Variants in ADAMTS14 observed in about 807,000 individuals in gnomAD.
ADAMTS14 encodes the protein A disintegrin and metalloproteinase with thrombospondin motifs 14.
Under a neutral mutation model 128.6 loss-of-function variants are expected in ADAMTS14, and 100 were observed. The ratio of observed to expected loss-of-function variants is 0.78; its 90% CI spans 0.66 to 0.92. The LOEUF (loss-of-function observed/expected upper bound fraction) is 0.92. ADAMTS14 is among the 40% of genes least tolerant of loss of function. ADAMTS14 has a pLI of 0.00. For synonymous variants in ADAMTS14, 665 were observed against 653.8 expected (o/e 1.02, Z -0.26); for missense variants, 1,562 against 1,658.6 (o/e 0.94, Z 1.01).
At chr10:70,743,253 C>T (rs921312571) in intron 12 of ADAMTS14, among the ~76,000 whole-genome samples, 1 of 152,204 alleles carries the variant, frequency 6.6e-6, no homozygotes, top group East Asian at 1.9e-4. Context: ...ATTCACTAAG[C>T]ATTGGCTTAT....
chr10:70,741,196 C>T (rs1279422216), intron 12 of ADAMTS14, 34 bp downstream of exon 12: 4 of 1,603,382 alleles, frequency 2.5e-6, no homozygotes, highest in Non-Finnish European at 3.4e-6. Flanking sequence ...CACTCCATGT[C>T]CTTAGGCATC....
chr10:70,756,440 T>C (rs1385626114), intron 19 of ADAMTS14, among the ~76,000 whole-genome samples: 1 of 152,222 alleles, frequency 6.6e-6, no homozygotes, highest in Non-Finnish European at 1.5e-5. Flanking sequence ...AGATGGCAGA[T>C]AGTGGAAGAT....
chr10:70,703,697 A>C (rs2132598435), intron 3 of ADAMTS14, among the ~76,000 whole-genome samples: 1 of 152,342 alleles, frequency 6.6e-6, no homozygotes, highest in Non-Finnish European at 1.5e-5. Flanking sequence ...ACGTTGGGGA[A>C]GTCCAGCTCC....
rs138962598 is a variant in ADAMTS14 at position 70,720,923 on chromosome 10, T to C, written c.871-8371T>C. On this transcript the variant is annotated intron_variant, in intron 4 of 21. Coordinates refer to ENST00000373207, the MANE Select transcript of ADAMTS14 (RefSeq NM_080722.4). ...GATGGTCAGATACCCCATTATTTTATGTCCTTAAGAACGAAAAAGTGTTAC... is the reference window on the plus strand; with the variant it reads ...GATGGTCAGATACCCCATTATTTTACGTCCTTAAGAACGAAAAAGTGTTAC... Among the ~76,000 whole-genome samples the C allele has an allele frequency of 2.2e-3, 333 of 152,284 alleles. 3 individuals carry two copies. The highest frequency in any genetic ancestry group is 7.7e-3 in the African/African-American group (319 of 41,554).
chr10:70,739,596 G>A (rs1443765124), intron 11 of ADAMTS14, among the ~76,000 whole-genome samples: 1 of 152,038 alleles, frequency 6.6e-6, no homozygotes, highest in Admixed American at 6.6e-5. Context: ...GTTTAGAACA[G>A]CACCACGGGA....
At chr10:70,675,235 G>A (rs1049522699) in intron 2 of ADAMTS14, among the ~76,000 whole-genome samples, 1 of 152,196 alleles carries the variant, frequency 6.6e-6, no homozygotes, top group Non-Finnish European at 1.5e-5. Flanking sequence ...ATCACAAGCT[G>A]TTTGGCTGGT....
chr10:70,674,759 C>A lies in ADAMTS14; in HGVS notation c.286C>A (p.Leu96Met), dbSNP rs748048717. ...CAGCCCTCTGCACCCAGGAGGGACC[C>A]TGTGGCCTGGCAGGGTGGGGCGCCA... ...ARSPLHPGGT[L>M]WPGRVGRHSL... Residue 96 changes from leucine (L) to methionine (M), a missense_variant, in exon 2 of 22, where the codon CTG becomes ATG. By Grantham distance (15) the Leu-to-Met change is conservative (BLOSUM62 2). Coordinates refer to ENST00000373207, the MANE Select transcript of ADAMTS14 (RefSeq NM_080722.4). The A allele has an allele frequency of 5.0e-6, 8 of 1,613,452 alleles. No individual in the cohort carries two copies. Among genetic ancestry groups the A allele is most frequent in the Non-Finnish European group, 6.8e-6 (8 of 1,179,960 alleles).
At chr10:70,727,252 A>G (rs1330889897) in intron 4 of ADAMTS14, among the ~76,000 whole-genome samples, 1 of 152,164 alleles carries the variant, frequency 6.6e-6, no homozygotes, top group African/African-American at 2.4e-5. Context: ...CAAAGCGTAC[A>G]TCTCCTGTTC....
chr10:70,751,244 G>T (rs78867881), intron 16 of ADAMTS14, among the ~76,000 whole-genome samples: 3,466 of 152,268 alleles, frequency 0.023, 206 homozygotes, highest in Admixed American at 0.13. Context: ...ATTCCTAGGT[G>T]CAGTGGCTGC....
In ADAMTS14 at chr10:70,761,185, G is replaced by T; in HGVS notation, c.*332G>T. 1 of 250,498 alleles carries T rather than the reference G, an allele frequency of 4.0e-6. No homozygotes were observed. Among genetic ancestry groups the T allele is most frequent in the East Asian group, 7.9e-5 (1 of 12,652 alleles). The allele number at this position is 250,498 out of a possible 1,614,324, so 15.5% of individuals were successfully genotyped here. Reference sequence around the variant, plus strand: ...CTGGGCCTGGGCAGGTCTGAATCCCGGCTGGTCTGTAGCTAGAAGCTGTCA... The same window carrying T: ...CTGGGCCTGGGCAGGTCTGAATCCCTGCTGGTCTGTAGCTAGAAGCTGTCA... On this transcript the variant is annotated 3_prime_UTR_variant, in exon 22 of 22. Coordinates refer to ENST00000373207, the MANE Select transcript of ADAMTS14 (RefSeq NM_080722.4).
intron 2 of ADAMTS14, among the ~76,000 whole-genome samples, chr10:70,689,844 A>C (rs1288999469): frequency 1.4e-5 from 2 of 145,000 alleles, no homozygotes; most frequent in East Asian, 2.0e-4. Context: ...CTCCCCAGGG[A>C]CTGCCAGGGC....
intron 2 of ADAMTS14, among the ~76,000 whole-genome samples, chr10:70,680,087 T>C (rs759132462): frequency 2.6e-5 from 4 of 152,242 alleles, no homozygotes; most frequent in African/African-American, 9.6e-5. Context: ...GGGTGAATTA[T>C]ATGGTATGTT....
At chr10:70,740,136 T>G (rs1335083408) in intron 11 of ADAMTS14, among the ~76,000 whole-genome samples, 1 of 152,272 alleles carries the variant, frequency 6.6e-6, no homozygotes, top group East Asian at 1.9e-4. Flanking sequence ...CTCAGCACCA[T>G]GCTCACACAA....
In ADAMTS14 at chr10:70,758,042, G is replaced by T. The variant is rs766102267; in HGVS notation, c.3018G>T (p.Glu1006Asp). The T allele has an allele frequency of 2.5e-6, 4 of 1,613,758 alleles. No individual in the cohort carries two copies. The highest frequency in any genetic ancestry group is 3.4e-6 in the Non-Finnish European group (4 of 1,179,914). ...ACGCCAACAGCCTCGGGCATTGCGA[G>T]GGGGATAGGCCAGACACTGTCCAGG... ...RTNANSLGHC[E>D]GDRPDTVQVC... The change falls in exon 20 of 22, where the codon GAG (glutamate) becomes GAT (aspartate). Residue 1006 changes from glutamate (E) to aspartate (D), a missense_variant. By Grantham distance (45) the Glu-to-Asp change is conservative. Transcript: ENST00000373207.
At chr10:70,720,396 G>A (rs543222454) in intron 4 of ADAMTS14, among the ~76,000 whole-genome samples, 2 of 152,306 alleles carry the variant, frequency 1.3e-5, no homozygotes, top group East Asian at 1.9e-4. Context: ...TAGTGACCTC[G>A]GAGGCAGGGC....
chr10:70,756,412 C>G (rs1564562306), intron 19 of ADAMTS14, among the ~76,000 whole-genome samples: 2 of 152,150 alleles, frequency 1.3e-5, no homozygotes, highest in Non-Finnish European at 2.9e-5. Context: ...AAGGACCCCA[C>G]AGATAAAAGT....
In ADAMTS14 at chr10:70,729,355, T is replaced by C; in HGVS notation, c.932T>C (p.Leu311Ser). The stretch of plus-strand genomic sequence containing the variant: ...CATATAAATATTGCCCTCGTCCGCT[T>C]GATCATGGTTGGCTACCGACAGGTA... Reference protein sequence around the residue: ...GVHINIALVRLIMVGYRQSLS... With the variant: ...GVHINIALVRSIMVGYRQSLS... The change falls in exon 5 of 22, where the codon TTG becomes TCG. Residue 311 changes from leucine (L) to serine (S), a missense_variant. Leu to Ser is a moderately radical substitution (Grantham distance 145). Transcript: ENST00000373207. The C allele has an allele frequency of 6.2e-7, 1 of 1,613,938 alleles. No individual in the cohort carries two copies. Among genetic ancestry groups the C allele is most frequent in the Non-Finnish European group, 8.5e-7 (1 of 1,179,954 alleles).
intron 2 of ADAMTS14, among the ~76,000 whole-genome samples, chr10:70,700,349 G>T (rs1487184259): frequency 6.6e-6 from 1 of 152,122 alleles, no homozygotes; most frequent in Non-Finnish European, 1.5e-5. Flanking sequence ...TTCCCGGGTT[G>T]GTTTCTTTTG....
At chr10:70,752,687 G>C (rs1842384150) in intron 18 of ADAMTS14, among the ~76,000 whole-genome samples, 1 of 152,138 alleles carries the variant, frequency 6.6e-6, no homozygotes, top group South Asian at 2.1e-4. Flanking sequence ...TGAGGCCGAG[G>C]GTGGCTGGCT....
Sources: allele counts gnomAD v4.1 joint callset (sites outside exome capture counted in the v4.1 genomes callset), GRCh38; gene constraint gnomAD v4.1.1; transcripts MANE v1.5; gene names NCBI Gene and HGNC (gene_info 2026-07-23, HGNC 2026-07-21).